The following MYRIP variants were observed in gnomAD, a reference collection of about 807,000 sequenced individuals.
MYRIP encodes the protein myosin VIIA and Rab interacting protein, also known as rab effector MyRIP.
MYRIP carries 49 observed loss-of-function variants against 98.0 expected under a neutral mutation model. The observed-to-expected ratio is 0.50, with a 90% CI of 0.40 to 0.63. The LOEUF (loss-of-function observed/expected upper bound fraction) is 0.63, where lower values mean the gene tolerates loss of function less well. Among genes scored for constraint, MYRIP ranks in the 30% least tolerant of loss-of-function variants. MYRIP has a pLI of 0.00. For synonymous variants in MYRIP, 404 were observed against 409.5 expected, an observed-to-expected ratio of 0.99 and a Z score of 0.16; for missense variants, 1,004 against 1,058.2, an observed-to-expected ratio of 0.95 and a Z score of 0.71.
chr3:39,943,387 G>C (rs1467905638), intron 2 of MYRIP, among the ~76,000 whole-genome samples: 3 of 152,076 alleles, frequency 2.0e-5, no homozygotes, highest in Non-Finnish European at 2.9e-5. Flanking sequence ...TGATGCAGTG[G>C]TCCTGATTTT....
intron 1 of MYRIP, among the ~76,000 whole-genome samples, chr3:39,887,132 T>A (rs1309793547): frequency 1.3e-5 from 2 of 151,998 alleles, no homozygotes; most frequent in African/African-American, 4.8e-5. Flanking sequence ...AGATGTTCTT[T>A]GAAACCAACG....
chr3:39,998,631 C>T lies in MYRIP; in HGVS notation c.111-45419C>T, dbSNP rs576027434. 5.5e-3 allele frequency among the ~76,000 whole-genome samples: 835 copies of T among 152,172 alleles called. 5 individuals carry two copies. The highest frequency in any genetic ancestry group is 8.2e-3 in the Admixed American group (125 of 15,284). On this transcript the variant is annotated intron_variant, in intron 2 of 16. Coordinates refer to ENST00000302541, the MANE Select transcript of MYRIP (RefSeq NM_015460.4). ...AGGTAATTTACAGATTCAATGCCAT[C>T]CCCATCAAGCTACCAATGACTTTCT...
In MYRIP at chr3:40,182,244, A is replaced by G. The variant is rs1253808566; in HGVS notation, c.898A>G (p.Thr300Ala). 1.9e-6 allele frequency: 3 copies of G among 1,612,030 alleles called. No homozygotes were observed. ...GAGGTCCCAGTCTGCCTTCTCAATC[A>G]CTGGAGAAGAAGCCCTGAAGACCCC... The part of the protein sequence containing the change: ...LWRSQSAFSI[T>A]GEEALKTPPV... The change falls in exon 9 of 17, where the codon ACT becomes GCT. Residue 300 changes from threonine to alanine, a missense_variant. Transcript: ENST00000302541.
chr3:39,855,978 C>G (rs1387175259), intron 1 of MYRIP, among the ~76,000 whole-genome samples: 1 of 152,190 alleles, frequency 6.6e-6, no homozygotes, highest in East Asian at 1.9e-4. Context: ...GGGGCTTGAG[C>G]TGGAGACTGG....
intron 2 of MYRIP, among the ~76,000 whole-genome samples, chr3:39,959,159 C>G (rs1945253734): frequency 6.6e-6 from 1 of 152,184 alleles, no homozygotes; most frequent in African/African-American, 2.4e-5. Context: ...CCATTTGACC[C>G]AGACATCCCA....
chr3:40,217,390 G>A (rs761779036), intron 11 of MYRIP, among the ~76,000 whole-genome samples: 1 of 152,114 alleles, frequency 6.6e-6, no homozygotes. Flanking sequence ...CAGCCAGACA[G>A]GATGTAGTCT....
chr3:40,245,913 A>ATTTTTTTTTTT (rs55637614), intron 13 of MYRIP, among the ~76,000 whole-genome samples: 33 of 115,574 alleles, frequency 2.9e-4, no homozygotes, highest in Non-Finnish European at 3.4e-4. Context: ...CACCCAGCTA[A>ATTTTTTTTTTT]TTTTTTTTTT....
At chr3:40,013,693 T>C (rs1320549318) in intron 2 of MYRIP, among the ~76,000 whole-genome samples, 1 of 152,222 alleles carries the variant, frequency 6.6e-6, no homozygotes, top group Non-Finnish European at 1.5e-5. Flanking sequence ...TCTCTGTGCC[T>C]TGGTTTCCTG....
chr3:40,091,413 G>A (rs1948734860), intron 3 of MYRIP, among the ~76,000 whole-genome samples: 1 of 151,912 alleles, frequency 6.6e-6, no homozygotes, highest in South Asian at 2.1e-4. Context: ...GTCTGGCTAT[G>A]AGGGTGAGAC....
At chr3:40,192,546 A>G (rs998901960) in intron 10 of MYRIP, among the ~76,000 whole-genome samples, 3 of 151,698 alleles carry the variant, frequency 2.0e-5, no homozygotes, top group Non-Finnish European at 2.9e-5. Context: ...CATAAAGTAC[A>G]TTTAGAAATA....
chr3:40,134,240 C>T (rs554549693), intron 3 of MYRIP, among the ~76,000 whole-genome samples: 9 of 152,336 alleles, frequency 5.9e-5, no homozygotes, highest in Admixed American at 1.3e-4. Context: ...GATTATATCC[C>T]GCACCTGGCT....
At chr3:39,901,419 C>T (rs564680090) in intron 2 of MYRIP, among the ~76,000 whole-genome samples, 3 of 152,144 alleles carry the variant, frequency 2.0e-5, no homozygotes, top group Non-Finnish European at 4.4e-5. Context: ...CACCACTTCC[C>T]TCATTTTATA....
chr3:39,995,169 C>T (rs113611510), intron 2 of MYRIP, among the ~76,000 whole-genome samples: 15,396 of 152,076 alleles, frequency 0.1, 1,362 homozygotes, highest in African/African-American at 0.23. Flanking sequence ...TCACCAACAA[C>T]GGAACAAAGC....
At chr3:40,075,445 A>G (rs1023969368) in intron 3 of MYRIP, among the ~76,000 whole-genome samples, 1 of 152,232 alleles carries the variant, frequency 6.6e-6, no homozygotes, top group Non-Finnish European at 1.5e-5. Flanking sequence ...GAAGGGCGAG[A>G]GCATGGCTTT....
At chr3:40,223,015 G>C (rs1952380590) in intron 11 of MYRIP, among the ~76,000 whole-genome samples, 1 of 152,098 alleles carries the variant, frequency 6.6e-6, no homozygotes, top group African/African-American at 2.4e-5. Context: ...AACCATTGAG[G>C]GGATGGGGCA....
chr3:39,952,782 A>G (rs534267692), intron 2 of MYRIP, among the ~76,000 whole-genome samples: 4 of 152,250 alleles, frequency 2.6e-5, no homozygotes, highest in African/African-American at 7.2e-5. Context: ...TTTTTGAAAG[A>G]TAATTTTGCT....
chr3:40,044,278 G>T lies in MYRIP; in HGVS notation c.332+7G>T. The T allele has an allele frequency of 6.2e-7, 1 of 1,613,642 alleles. No homozygotes were observed. The highest frequency in any genetic ancestry group is 8.5e-7 in the Non-Finnish European group (1 of 1,179,592). On this transcript the variant is annotated splice_region_variant and intron_variant, in intron 3 of 16. Transcript: ENST00000302541. ...GCGTCTGCCAGCAAGCGAGGTGAGTGGCTGGTGCATTCCCAGGGTCTACAC... is the reference window on the plus strand; with the variant it reads ...GCGTCTGCCAGCAAGCGAGGTGAGTTGCTGGTGCATTCCCAGGGTCTACAC...
chr3:40,233,867 T>C lies in MYRIP; in HGVS notation c.1914T>C (p.Ser638=). The C allele has an allele frequency of 1.9e-6, 3 of 1,612,632 alleles. No individual in the cohort carries two copies. The highest frequency in any genetic ancestry group is 2.5e-6 in the Non-Finnish European group (3 of 1,179,636). The change falls in exon 12 of 17, where the codon TCT becomes TCC. Residue 638 remains serine, a synonymous_variant. Transcript: ENST00000302541. The part of the protein sequence containing the change: ...SVQEELKKKF[S]AVSLCNISTE... ...GTTATCGGACCAAACAGAAGTTTTC[T>C]GCTGTTTCTCTCTGCAACATCTCCA...
intron 2 of MYRIP, among the ~76,000 whole-genome samples, chr3:40,014,249 G>T (rs970090182): frequency 2.0e-5 from 3 of 152,082 alleles, no homozygotes; most frequent in Admixed American, 2.0e-4. Context: ...ATCTTAAAAG[G>T]CTCCTTTGGT....
Sources: gnomAD v4.1 joint callset for allele counts (sites outside exome capture counted in the v4.1 genomes callset) on GRCh38, gnomAD v4.1.1 for gene constraint, MANE v1.5 for transcripts, NCBI Gene and HGNC (gene_info 2026-07-23, HGNC 2026-07-21) for gene names.